Variants in STARD13 observed in about 807,000 individuals in gnomAD.
STARD13 encodes StAR related lipid transfer domain containing 13, also known as stAR-related lipid transfer protein 13.
In STARD13, 62 loss-of-function variants were observed where a neutral mutation model predicts 106.4. The observed-to-expected ratio is 0.58, with a 90% CI of 0.48 to 0.72. The LOEUF (loss-of-function observed/expected upper bound fraction) is 0.72. STARD13 is among the 30% of genes least tolerant of loss of function. The pLI is 0.00. For missense variants in STARD13, 1,387 were observed against 1,424.0 expected (o/e 0.97, Z 0.42); for synonymous variants, 565 against 553.0 (o/e 1.02, Z -0.31).
At chr13:33,452,175 C>G in the STARD13 span, among the ~76,000 whole-genome samples, 2 of 151,932 alleles carry the variant, frequency 1.3e-5, no homozygotes, top group East Asian at 1.9e-4. Flanking sequence ...TGGAATGGAC[C>G]CAGGGGCACG....
At chr13:33,190,468 A>G (rs1202772565) in intron 1 of STARD13, among the ~76,000 whole-genome samples, 1 of 152,206 alleles carries the variant, frequency 6.6e-6, no homozygotes, top group Non-Finnish European at 1.5e-5. Flanking sequence ...GCCAGGCATG[A>G]AAACAAAACC....
At chr13:33,433,448 A>C in the STARD13 span, among the ~76,000 whole-genome samples, 1 of 152,204 alleles carries the variant, frequency 6.6e-6, no homozygotes, top group African/African-American at 2.4e-5. Flanking sequence ...GATGTGAATC[A>C]GGCAGTTTTA....
the STARD13 span, among the ~76,000 whole-genome samples, chr13:33,371,093 C>T: frequency 7.9e-5 from 12 of 152,268 alleles, no homozygotes; most frequent in East Asian, 1.2e-3. Flanking sequence ...GAAAGGATTT[C>T]GTTATCTTTC....
At chr13:33,672,362 T>C in the STARD13 span, among the ~76,000 whole-genome samples, 1 of 152,058 alleles carries the variant, frequency 6.6e-6, no homozygotes. Context: ...CTGGGGCCTG[T>C]CACAGGGTGG....
chr13:33,169,808 C>T (rs1292780245), intron 1 of STARD13, among the ~76,000 whole-genome samples: 2 of 152,148 alleles, frequency 1.3e-5, no homozygotes, highest in Non-Finnish European at 2.9e-5. Flanking sequence ...CGCACCCCTC[C>T]AGCCCAGGGA....
the STARD13 span, among the ~76,000 whole-genome samples, chr13:33,367,195 A>G: frequency 6.6e-6 from 1 of 152,256 alleles, no homozygotes; most frequent in African/African-American, 2.4e-5. Flanking sequence ...GAGCTTTATC[A>G]TGGTTCAAAT....
At chr13:33,339,004 C>A (rs965456044) in intron 1 of STARD13, among the ~76,000 whole-genome samples, 3 of 151,932 alleles carry the variant, frequency 2.0e-5, no homozygotes, top group African/African-American at 7.3e-5. Context: ...GGAACACATG[C>A]CTCTGCTCCT....
intron 1 of STARD13, chr13:33,333,606 G>T (rs1358908230): frequency 6.6e-6 from 1 of 152,232 alleles, no homozygotes; most frequent in African/African-American, 2.4e-5. Context: ...GGCAGGACAG[G>T]TGGGGTTTGG....
the STARD13 span, among the ~76,000 whole-genome samples, chr13:33,568,355 G>C: frequency 6.8e-6 from 1 of 147,748 alleles, no homozygotes; most frequent in South Asian, 2.1e-4. Flanking sequence ...GTACTACCTA[G>C]CCTACTTGGG....
chr13:33,164,501 G>A (rs1376568187), intron 3 of STARD13: 2 of 152,108 alleles, frequency 1.3e-5, no homozygotes, highest in Non-Finnish European at 2.9e-5. Flanking sequence ...TATGGCCTTG[G>A]TAAAATGACT....
At chr13:33,241,827 C>CG (rs1233164605) in intron 1 of STARD13, among the ~76,000 whole-genome samples, 2 of 152,180 alleles carry the variant, frequency 1.3e-5, no homozygotes, top group Non-Finnish European at 2.9e-5. Context: ...CAGACGGAGT[C>CG]GCGCTCACTC....
At chr13:33,351,533 G>A (rs2078079311), upstream of STARD13, among the ~76,000 whole-genome samples, 1 of 152,212 alleles carries the variant, frequency 6.6e-6, no homozygotes. Flanking sequence ...GTGTCCTGCA[G>A]TTCACAAAGT....
intron 1 of STARD13, among the ~76,000 whole-genome samples, chr13:33,263,262 G>A (rs538777004): frequency 6.6e-6 from 1 of 151,992 alleles, no homozygotes; most frequent in Admixed American, 6.6e-5. Flanking sequence ...CCCTAGTTGT[G>A]ATCATCAACA....
intron 1 of STARD13, among the ~76,000 whole-genome samples, chr13:33,214,212 C>T (rs1320819970): frequency 6.6e-6 from 1 of 152,154 alleles, no homozygotes; most frequent in African/African-American, 2.4e-5. Context: ...CTCTTTAAAC[C>T]TCACAAACAA....
At chr13:33,573,473 A>T in the STARD13 span, among the ~76,000 whole-genome samples, 2 of 152,180 alleles carry the variant, frequency 1.3e-5, no homozygotes. Flanking sequence ...TAAAGTCTCC[A>T]TAAGGCTAGG....
intron 1 of STARD13, among the ~76,000 whole-genome samples, chr13:33,331,769 G>T (rs750997385): frequency 2.0e-5 from 3 of 152,060 alleles, no homozygotes; most frequent in Admixed American, 6.5e-5. Context: ...ATAGCAGAGT[G>T]TCTGACACAT....
At chr13:33,330,405 T>A (rs2077822947) in intron 1 of STARD13, among the ~76,000 whole-genome samples, 1 of 152,192 alleles carries the variant, frequency 6.6e-6, no homozygotes, top group African/African-American at 2.4e-5. Context: ...CTAAGAAGTG[T>A]CTATTTTGGT....
At chr13:33,374,916 T>A in the STARD13 span, among the ~76,000 whole-genome samples, 4 of 152,166 alleles carry the variant, frequency 2.6e-5, no homozygotes, top group African/African-American at 4.8e-5. Context: ...AATTCTTTAT[T>A]GCTAATAGGC....
chr13:33,511,753 A>G, the STARD13 span, among the ~76,000 whole-genome samples: 102 of 152,294 alleles, frequency 6.7e-4, 1 homozygote, highest in Non-Finnish European at 1.1e-3. Context: ...CAAAATGGAT[A>G]TCAAAAAGTT....
Sources: gnomAD v4.1 joint callset for allele counts (sites outside exome capture counted in the v4.1 genomes callset) on GRCh38, gnomAD v4.1.1 for gene constraint, MANE v1.5 for transcripts, NCBI Gene and HGNC (gene_info 2026-07-23, HGNC 2026-07-21) for gene names.